Variants in KLHL6 observed in about 807,000 individuals in gnomAD.
KLHL6 encodes kelch like family member 6, also known as kelch-like protein 6.
Under a neutral mutation model 58.6 loss-of-function variants are expected in KLHL6, and 41 were observed. The observed-to-expected ratio is 0.70, with a 90% confidence interval of 0.55 to 0.91. The LOEUF (loss-of-function observed/expected upper bound fraction) is 0.91, where lower values mean the gene tolerates loss of function less well. Ranked by LOEUF, KLHL6 falls within the 40% of genes least tolerant of loss-of-function variation. The pLI is 0.00. For synonymous variants in KLHL6, 338 were observed against 322.7 expected (o/e 1.05, Z -0.51); for missense variants, 714 against 805.6 (o/e 0.89, Z 1.38).
intron 3 of KLHL6, among the ~76,000 whole-genome samples, chr3:183,504,500 C>T (rs996461437): frequency 6.6e-6 from 1 of 152,028 alleles, no homozygotes; most frequent in Non-Finnish European, 1.5e-5. Flanking sequence ...CCCAGCACCT[C>T]GGAAATACAA....
At chr3:183,518,511 C>T (rs1355602351) in intron 2 of KLHL6, among the ~76,000 whole-genome samples, 1 of 152,162 alleles carries the variant, frequency 6.6e-6, no homozygotes, top group African/African-American at 2.4e-5. Context: ...CAGTTAAAGT[C>T]AGAATCTGGT....
chr3:183,530,945 C>T (rs1712136519), intron 1 of KLHL6, among the ~76,000 whole-genome samples: 1 of 151,652 alleles, frequency 6.6e-6, no homozygotes, highest in African/African-American at 2.4e-5. Flanking sequence ...GATTCTCCTG[C>T]CTTAGCCTCT....
At position 183,499,579 on chromosome 3, in the gene KLHL6, C is replaced by T; in HGVS notation, c.1147+11G>A. On this transcript the variant is annotated intron_variant, in intron 4 of 6. Coordinates refer to ENST00000341319, the MANE Select transcript of KLHL6 (RefSeq NM_130446.4). The surrounding 1 kb of genome is among the most constrained non-coding windows in gnomAD (Gnocchi z 4.6). ...TGGAGCTTGCTTTGCCTTTACATGA[C>T]TCCTGCTTACCTGAGATGTAGACCT... The T allele has an allele frequency of 6.4e-7, 1 of 1,565,090 alleles. No homozygotes were observed. The highest frequency in any genetic ancestry group is 8.7e-7 in the Non-Finnish European group (1 of 1,149,916).
At position 183,521,984 on chromosome 3, in the gene KLHL6, C is replaced by T. The variant is rs546231739; in HGVS notation, c.459+5861G>A. On this transcript the variant is annotated intron_variant, in intron 2 of 6. Transcript: ENST00000341319. ...TGCTGGGATTACAGGCGTGAGCCACCGTGCCTGGCTAGACTTACATGACTT... is the reference window on the plus strand; with the variant it reads ...TGCTGGGATTACAGGCGTGAGCCACTGTGCCTGGCTAGACTTACATGACTT... Among the ~76,000 whole-genome samples the T allele has an allele frequency of 2.4e-4, 36 of 150,398 alleles. 2 individuals carry two copies. The South Asian group carries it at 5.1e-3, about 21-fold the overall frequency.
At chr3:183,502,231 GGCAGAGGGT>G (rs1183052134) in intron 3 of KLHL6, among the ~76,000 whole-genome samples, 2 of 152,096 alleles carry the variant, frequency 1.3e-5, no homozygotes, top group African/African-American at 4.8e-5. Flanking sequence ...GAATCTAAGA[GGCAGAGGGT>G]GCAGTGAGCC....
chr3:183,539,789 G>A (rs552836262), intron 1 of KLHL6, among the ~76,000 whole-genome samples: 9 of 151,990 alleles, frequency 5.9e-5, no homozygotes, highest in African/African-American at 2.2e-4. Context: ...ACTGCCCACG[G>A]CCCCTGTGGA....
intron 1 of KLHL6, among the ~76,000 whole-genome samples, chr3:183,532,895 C>A (rs1712205816): frequency 6.6e-6 from 1 of 152,184 alleles, no homozygotes; most frequent in African/African-American, 2.4e-5. Flanking sequence ...CTTTTGTTTG[C>A]AGGTGATGGG....
intron 2 of KLHL6, among the ~76,000 whole-genome samples, chr3:183,513,078 A>C (rs991150425): frequency 6.6e-6 from 1 of 152,220 alleles, no homozygotes; most frequent in African/African-American, 2.4e-5. Flanking sequence ...TTGTATGACA[A>C]CTTTACTATA....
chr3:183,524,900 T>G (rs993141405), intron 2 of KLHL6, among the ~76,000 whole-genome samples: 1 of 152,224 alleles, frequency 6.6e-6, no homozygotes, highest in Non-Finnish European at 1.5e-5. Flanking sequence ...TCTCTACCTA[T>G]AACCCTGAGT....
chr3:183,548,504 C>T lies in KLHL6; in HGVS notation c.293+6857G>A, dbSNP rs112691193. On this transcript the variant is annotated intron_variant, in intron 1 of 6. Coordinates refer to ENST00000341319, the MANE Select transcript of KLHL6 (RefSeq NM_130446.4). ...TTCCTGTCTCACTCCTGTCTTGTAC[C>T]GCAGTCTCTAGGTCTGGTTCCTTGA... 9.8e-3 allele frequency among the ~76,000 whole-genome samples: 1,486 copies of T among 152,258 alleles called. 33 individuals carry two copies. The highest frequency in any genetic ancestry group is 0.032 in the African/African-American group (1,319 of 41,544).
At chr3:183,493,203 G>T (rs1979983) in intron 5 of KLHL6, 63,652 of 173,540 alleles carry the variant, frequency 0.37, 13,511 homozygotes, top group East Asian at 0.77. Flanking sequence ...TTGAGATTAA[G>T]TCAGACGTGT....
chr3:183,491,868 T>A lies in KLHL6; in HGVS notation c.*59A>T. On this transcript the variant is annotated 3_prime_UTR_variant, in exon 7 of 7. Transcript: ENST00000341319. ...TGCCTGAAGTGGGACTGGAGGAGGG[T>A]GAGAGGTGAGGCGGGTACGCTGAGG... 1 of 1,384,606 alleles carries A rather than the reference T, an allele frequency of 7.2e-7. No homozygotes were observed. 85.8% of individuals were successfully genotyped at this position (1,384,606 alleles called of 1,614,324 possible). A position where few individuals can be genotyped will look rare whatever the true frequency, so the allele number is the denominator to read the frequency against.
chr3:183,541,804 A>G (rs996181326), intron 1 of KLHL6, among the ~76,000 whole-genome samples: 1 of 152,232 alleles, frequency 6.6e-6, no homozygotes, highest in Non-Finnish European at 1.5e-5. Flanking sequence ...TCTATCTCCA[A>G]GGTGTTCAAG....
intron 1 of KLHL6, among the ~76,000 whole-genome samples, chr3:183,547,061 G>A (rs556981261): frequency 1.3e-5 from 2 of 152,162 alleles, no homozygotes; most frequent in South Asian, 2.1e-4. Flanking sequence ...ACAGGCACAC[G>A]CCACCGTGCC....
intron 3 of KLHL6, among the ~76,000 whole-genome samples, chr3:183,502,629 G>A (rs1256992325): frequency 2.0e-5 from 3 of 152,162 alleles, no homozygotes; most frequent in Non-Finnish European, 4.4e-5. Flanking sequence ...AAGAAACTGA[G>A]GCTCCCAACC....
intron 4 of KLHL6, among the ~76,000 whole-genome samples, chr3:183,496,983 C>CA (rs929233753): frequency 2.1e-4 from 31 of 148,800 alleles, no homozygotes; most frequent in South Asian, 1.1e-3. Flanking sequence ...ACTTAAAATA[C>CA]AAAAAAAAAA....
intron 1 of KLHL6, among the ~76,000 whole-genome samples, chr3:183,547,989 CAT>C (rs1439238578): frequency 6.6e-6 from 1 of 152,180 alleles, no homozygotes; most frequent in Non-Finnish European, 1.5e-5. Context: ...TCCTTGTGCT[CAT>C]ACACACATGC....
At chr3:183,523,305 C>G (rs757186441) in intron 2 of KLHL6, among the ~76,000 whole-genome samples, 54 of 152,346 alleles carry the variant, frequency 3.5e-4, no homozygotes, top group Admixed American at 9.8e-4. Flanking sequence ...TCTGCATTAG[C>G]CTCATGCGCA....
intron 1 of KLHL6, among the ~76,000 whole-genome samples, chr3:183,539,291 A>T (rs529843432): frequency 6.6e-6 from 1 of 152,294 alleles, no homozygotes; most frequent in East Asian, 1.9e-4. Context: ...CATGAGGCCT[A>T]TGGCTGCCTC....
Sources: gnomAD v4.1 joint callset for allele counts (sites outside exome capture counted in the v4.1 genomes callset) on GRCh38, gnomAD v4.1.1 for gene constraint, Gnocchi (gnomAD v3.1) non-coding constraint, MANE v1.5 for transcripts, NCBI Gene and HGNC (gene_info 2026-07-23, HGNC 2026-07-21) for gene names.